DNAH7: variants seen among roughly 807,000 people sequenced by gnomAD.
DNAH7 encodes dynein axonemal heavy chain 7.
Under a neutral mutation model 444.6 loss-of-function variants are expected in DNAH7, and 397 were observed. The observed-to-expected ratio is 0.89, with a 90% CI of 0.82 to 0.97. The LOEUF is 0.97. Among genes scored for constraint, DNAH7 ranks in the 50% least tolerant of loss-of-function variants. DNAH7 has a pLI of 0.00. For synonymous variants in DNAH7, 1,636 were observed against 1,624.4 expected (o/e 1.01, Z -0.17); for missense variants, 4,902 against 4,800.8 (o/e 1.02, Z -0.62).
At chr2:195,910,780 T>G (rs935366044) in intron 24 of DNAH7, among the ~76,000 whole-genome samples, 3 of 152,074 alleles carry the variant, frequency 2.0e-5, no homozygotes, top group Non-Finnish European at 4.4e-5. Context: ...AAATGGAAAC[T>G]AAAATCACTC....
At chr2:195,909,724 G>A (rs1388395505) in intron 25 of DNAH7, among the ~76,000 whole-genome samples, 6 of 152,160 alleles carry the variant, frequency 3.9e-5, no homozygotes, top group African/African-American at 4.8e-5. Flanking sequence ...AGAATCCCAC[G>A]ACCTTTACAC....
At chr2:195,955,908 T>C (rs1186479496) in intron 19 of DNAH7, among the ~76,000 whole-genome samples, 2 of 152,136 alleles carry the variant, frequency 1.3e-5, no homozygotes, top group Non-Finnish European at 2.9e-5. Flanking sequence ...ATTTATGACA[T>C]AAATTAATTA....
intron 10 of DNAH7, among the ~76,000 whole-genome samples, chr2:196,005,695 G>A (rs1199314961): frequency 1.3e-5 from 2 of 151,956 alleles, no homozygotes; most frequent in African/African-American, 4.8e-5. Flanking sequence ...CCTGTAGCAA[G>A]TAAAAGAGAT....
chr2:196,036,235 T>C (rs902405596), intron 5 of DNAH7, among the ~76,000 whole-genome samples: 2 of 152,086 alleles, frequency 1.3e-5, no homozygotes, highest in African/African-American at 4.8e-5. Context: ...GGTTTCGCCA[T>C]GTTGGCCAGG....
intron 36 of DNAH7, among the ~76,000 whole-genome samples, chr2:195,881,415 T>C (rs1417966279): frequency 1.3e-5 from 2 of 152,204 alleles, no homozygotes; most frequent in African/African-American, 4.8e-5. Context: ...GGAAAATCAG[T>C]CTTGTTACTA....
chr2:195,983,330 G>C (rs1218911998), intron 15 of DNAH7, among the ~76,000 whole-genome samples: 1 of 152,146 alleles, frequency 6.6e-6, no homozygotes, highest in Non-Finnish European at 1.5e-5. Flanking sequence ...AATTTGTAAA[G>C]AAAATAGGTT....
In DNAH7 at chr2:195,882,523, A is replaced by T. The variant is rs557122048; in HGVS notation, c.5764-531T>A. ...ACAATTTTTAGGTGTACAGTTCAGT[A>T]GTGTTAACTACGTTCACATTGCTGT... is the stretch of plus-strand genomic sequence containing the variant. On this transcript the variant is annotated intron_variant, in intron 35 of 64. Coordinates refer to ENST00000312428, the MANE Select transcript of DNAH7 (RefSeq NM_018897.3). Among the ~76,000 whole-genome samples the T allele has an allele frequency of 7.9e-5, 12 of 152,356 alleles. No homozygotes were observed. In the South Asian group the frequency reaches 2.5e-3, roughly 32 times the overall value.
intron 16 of DNAH7, 55 bp downstream of exon 16, chr2:195,972,187 A>AAGAT: frequency 6.8e-7 from 1 of 1,461,944 alleles, no homozygotes; most frequent in Non-Finnish European, 9.4e-7. Flanking sequence ...GCTACATAAA[A>AAGAT]AGATAAAAAC....
chr2:196,016,641 A>G (rs1251328266), intron 9 of DNAH7, among the ~76,000 whole-genome samples: 1 of 152,244 alleles, frequency 6.6e-6, no homozygotes, highest in African/African-American at 2.4e-5. Context: ...AACCCTGTAT[A>G]ATCTCATTAC....
Position 195,960,375 on chromosome 2 carries a change from C to T in DNAH7, c.2776G>A (p.Gly926Arg). 1 of 1,614,060 alleles carries T rather than the reference C, an allele frequency of 6.2e-7. No individual in the cohort carries two copies. The highest frequency in any genetic ancestry group is 8.5e-7 in the Non-Finnish European group (1 of 1,180,004). Residue 926 changes from glycine (G) to arginine (R), a missense_variant, in exon 18 of 65, where the codon GGG becomes AGG. Transcript: ENST00000312428. The part of the protein sequence containing the change: ...EFVIHSYRET[G>R]TFILASVDEI... ...TCAACTGATGCCAAAATAAATGTCCCAGTTTCTCTATAAGAATGGATGACA... is the reference window on the plus strand; with the variant it reads ...TCAACTGATGCCAAAATAAATGTCCTAGTTTCTCTATAAGAATGGATGACA...
intron 12 of DNAH7, among the ~76,000 whole-genome samples, chr2:195,992,276 C>T (rs1389574580): frequency 6.6e-6 from 1 of 152,192 alleles, no homozygotes; most frequent in East Asian, 1.9e-4. Context: ...TGCTTCCTCT[C>T]GGACCACACT....
At chr2:195,910,591 G>T (rs1028763437) in intron 24 of DNAH7, among the ~76,000 whole-genome samples, 2 of 152,130 alleles carry the variant, frequency 1.3e-5, no homozygotes, top group Non-Finnish European at 1.5e-5. Context: ...CAACGAAGAG[G>T]GAATGCAAAG....
intron 12 of DNAH7, among the ~76,000 whole-genome samples, chr2:195,989,780 C>G (rs1348977358): frequency 1.3e-5 from 2 of 152,124 alleles, no homozygotes; most frequent in South Asian, 2.1e-4. Context: ...TAACTCCCCA[C>G]TCCAGTCTCT....
At chr2:195,948,268 T>C (rs1020630698) in intron 19 of DNAH7, among the ~76,000 whole-genome samples, 7 of 152,242 alleles carry the variant, frequency 4.6e-5, no homozygotes, top group Non-Finnish European at 8.8e-5. Context: ...GATAGTTTAT[T>C]TTGCTGTGCA....
intron 44 of DNAH7, 71 bp downstream of exon 44, chr2:195,857,306 T>C (rs1699768813): frequency 3.8e-6 from 5 of 1,321,644 alleles, no homozygotes; most frequent in Non-Finnish European, 5.2e-6. Flanking sequence ...AACTTTTAAA[T>C]TGTATATTTT....
chr2:196,012,570 A>G (rs1164705966), intron 10 of DNAH7, among the ~76,000 whole-genome samples: 1 of 152,156 alleles, frequency 6.6e-6, no homozygotes, highest in Non-Finnish European at 1.5e-5. Flanking sequence ...GAAAAAAGTA[A>G]CCAGTTGTCA....
chr2:196,047,411 C>T lies in DNAH7; in HGVS notation c.339G>A (p.Lys113=). ...SYVGPSTSKS[K]GKSPHKEREN... is the part of the protein sequence containing the mutation. ...CTCGTTCTTTATGTGGAGATTTGCC[C>T]TTTGATTTGGAAGTAGATGGTCCAA... The change falls in exon 5 of 65, where the codon AAG becomes AAA. Residue 113 remains lysine, a synonymous_variant. Transcript: ENST00000312428. 6 of 1,601,864 alleles carry T rather than the reference C, an allele frequency of 3.7e-6. No homozygotes were observed. The highest frequency in any genetic ancestry group is 5.1e-6 in the Non-Finnish European group (6 of 1,173,306).
At chr2:195,985,016 G>A (rs1692814252) in intron 14 of DNAH7, among the ~76,000 whole-genome samples, 3 of 152,210 alleles carry the variant, frequency 2.0e-5, no homozygotes, top group South Asian at 4.1e-4. Flanking sequence ...TTTCCAACCT[G>A]AGCTTTAAGG....
In DNAH7 at chr2:195,869,390, T is replaced by G. The variant is rs184224077; in HGVS notation, c.6633+2860A>C. 0.021 allele frequency among the ~76,000 whole-genome samples: 2,953 copies of G among 140,404 alleles called. 249 individuals carry two copies. The East Asian group carries it at 0.27, about 13-fold the overall frequency. The allele number at this position is 140,404 out of a possible 152,430, so 92.1% of individuals were successfully genotyped here. ...CCAAACATCCTTCTTGGCACTGCAG[T>G]AAGAAAAAAAAAAGAGAGAGGAAAA... On this transcript the variant is annotated intron_variant, in intron 40 of 64. Transcript: ENST00000312428.
Sources: gnomAD v4.1 joint callset for allele counts (sites outside exome capture counted in the v4.1 genomes callset) on GRCh38, gnomAD v4.1.1 for gene constraint, MANE v1.5 for transcripts, NCBI Gene and HGNC (gene_info 2026-07-23, HGNC 2026-07-21) for gene names.